Variants in EBF3 observed in about 807,000 individuals in gnomAD.
EBF3 encodes EBF transcription factor 3, also known as transcription factor COE3.
EBF3 carries 18 observed loss-of-function variants against 77.1 expected under a neutral mutation model. That is an observed-to-expected ratio of 0.23 (90% CI 0.16 to 0.35). The LOEUF is 0.35. Ranked by LOEUF, EBF3 falls within the 10% of genes least tolerant of loss-of-function variation. The probability of loss-of-function intolerance (pLI) is 1.00; values close to 1 mark genes in which losing one functional copy is unlikely to be tolerated. For missense variants in EBF3, 558 were observed against 860.0 expected, an observed-to-expected ratio of 0.65 and a Z score of 4.39; for synonymous variants, 350 against 343.5, an observed-to-expected ratio of 1.02 and a Z score of -0.21.
At chr10:129,840,697 A>T in intron 14 of EBF3, 147 bp downstream of exon 14, 2 of 1,226,932 alleles carry the variant, frequency 1.6e-6, no homozygotes, top group South Asian at 1.5e-5. Context: ...GGGTCAATTT[A>T]CGGTCGCCAT....
At chr10:129,883,228 G>C (rs569913581) in intron 6 of EBF3, among the ~76,000 whole-genome samples, 4 of 152,282 alleles carry the variant, frequency 2.6e-5, no homozygotes, top group Non-Finnish European at 5.9e-5. Context: ...CCCCTGAAAA[G>C]ACGCCTCATC....
rs551365580 is a variant in EBF3, at chr10:129,916,536, C to T, written c.555-38687G>A. On this transcript the variant is annotated intron_variant, in intron 6 of 16. Coordinates refer to ENST00000440978, the MANE Select transcript of EBF3 (RefSeq NM_001375380.1). ...CGAAATTAGGCACAGCCTAGAGAAG[C>T]GTTTGAGAGCAGTGGAGTTGAAGGC... 8.5e-5 allele frequency among the ~76,000 whole-genome samples: 13 copies of T among 152,292 alleles called. 1 individual carries two copies. The South Asian group carries it at 2.5e-3, about 29-fold the overall frequency.
chr10:129,956,835 C>G (rs181454717), intron 6 of EBF3, among the ~76,000 whole-genome samples: 3 of 152,214 alleles, frequency 2.0e-5, no homozygotes. Context: ...TTCATTCTAA[C>G]GCTGGGCAAC....
intron 6 of EBF3, among the ~76,000 whole-genome samples, chr10:129,889,587 G>T (rs1038657605): frequency 6.6e-6 from 1 of 152,192 alleles, no homozygotes; most frequent in Non-Finnish European, 1.5e-5. Flanking sequence ...TTCCCAGTGA[G>T]TTCCACACAC....
At chr10:129,865,234 C>A (rs1251223903) in intron 10 of EBF3, among the ~76,000 whole-genome samples, 8 of 152,198 alleles carry the variant, frequency 5.3e-5, no homozygotes. Flanking sequence ...CTCGCCTTTC[C>A]CAGGTACCTG....
At chr10:129,888,144 G>A (rs1002001486) in intron 6 of EBF3, among the ~76,000 whole-genome samples, 2 of 152,224 alleles carry the variant, frequency 1.3e-5, no homozygotes, top group Non-Finnish European at 2.9e-5. Flanking sequence ...GGAAGGAGTT[G>A]CAGCGAGCAT....
chr10:129,940,185 C>G (rs1857635476), intron 6 of EBF3, among the ~76,000 whole-genome samples: 1 of 152,226 alleles, frequency 6.6e-6, no homozygotes. Flanking sequence ...ATCCTGGGCT[C>G]TGTGCGTGCC....
At chr10:129,853,908 C>A (rs943106315) in intron 10 of EBF3, among the ~76,000 whole-genome samples, 6 of 152,128 alleles carry the variant, frequency 3.9e-5, no homozygotes, top group African/African-American at 1.4e-4. Flanking sequence ...TGAACTTGAC[C>A]AGGTGATAAA....
rs528378422 is a variant in EBF3, at chr10:129,853,845, T to C, written c.1040-5365A>G. On this transcript the variant is annotated intron_variant, in intron 10 of 16. Coordinates refer to ENST00000440978, the MANE Select transcript of EBF3 (RefSeq NM_001375380.1). The stretch of plus-strand genomic sequence containing the variant: ...TGAATCCAAGGGGGAAAAATGCCAA[T>C]AGCAATTATATCACCTTGAGGTTAT... 3.2e-3 allele frequency among the ~76,000 whole-genome samples: 494 copies of C among 152,340 alleles called. 3 individuals carry two copies. The highest frequency in any genetic ancestry group is 5.9e-3 in the Non-Finnish European group (401 of 68,034).
Position 129,849,258 on chromosome 10 carries a change from G to C in EBF3, c.1040-778C>G, listed in dbSNP as rs1047894468. 3.9e-5 allele frequency among the ~76,000 whole-genome samples: 6 copies of C among 152,204 alleles called. No homozygotes were observed. In the South Asian group the frequency reaches 6.2e-4, roughly 16 times the overall value. On this transcript the variant is annotated intron_variant, in intron 10 of 16. Transcript: ENST00000440978. ...GCTCTGCCTGACTCCAACAAAAACTGAGCCTGGAGGCCCGGGGACACGAGT... is the reference window on the plus strand; with the variant it reads ...GCTCTGCCTGACTCCAACAAAAACTCAGCCTGGAGGCCCGGGGACACGAGT...
intron 8 of EBF3, 119 bp from the exon 9 acceptor site, chr10:129,868,031 G>A: frequency 7.1e-7 from 1 of 1,416,284 alleles, no homozygotes. Context: ...GTTCCTCCAG[G>A]CGGCACGCAA....
At chr10:129,949,109 A>C (rs1335519987) in intron 6 of EBF3, among the ~76,000 whole-genome samples, 2 of 151,878 alleles carry the variant, frequency 1.3e-5, no homozygotes, top group Non-Finnish European at 2.9e-5. Flanking sequence ...GACCAGCCTG[A>C]CCAACATGGA....
In EBF3 at chr10:129,870,743, G is replaced by A. The variant is rs1367664382; in HGVS notation, c.781+2709C>T. Among the ~76,000 whole-genome samples the A allele has an allele frequency of 1.3e-5, 2 of 152,188 alleles. No homozygotes were observed. Among genetic ancestry groups the A allele is most frequent in the Non-Finnish European group, 1.5e-5 (1 of 68,046 alleles). On this transcript the variant is annotated intron_variant, in intron 8 of 16. Coordinates refer to ENST00000440978, the MANE Select transcript of EBF3 (RefSeq NM_001375380.1). The surrounding 1 kb of genome is among the most constrained non-coding windows in gnomAD (Gnocchi z 4.4). ...GGGATGAGCATGTCAAAACGGGAGC[G>A]TGACTCAACTTGGAAACCCGTGTTG...
chr10:129,941,164 A>C (rs1334762645), intron 6 of EBF3, among the ~76,000 whole-genome samples: 2 of 152,248 alleles, frequency 1.3e-5, no homozygotes, highest in South Asian at 4.1e-4. Flanking sequence ...AGATTGAGAT[A>C]AATAACCACT....
At chr10:129,916,060 G>A (rs1171459192) in intron 6 of EBF3, among the ~76,000 whole-genome samples, 3 of 152,250 alleles carry the variant, frequency 2.0e-5, no homozygotes, top group Non-Finnish European at 2.9e-5. Flanking sequence ...CAGGGGCTCC[G>A]AGGGGGAAGG....
chr10:129,894,094 G>A (rs1854205604), intron 6 of EBF3, among the ~76,000 whole-genome samples: 1 of 152,130 alleles, frequency 6.6e-6, no homozygotes, highest in Non-Finnish European at 1.5e-5. Context: ...TCCTGTTCCT[G>A]TTCTTATTTT....
chr10:129,869,391 C>T (rs951054189), intron 8 of EBF3, among the ~76,000 whole-genome samples: 1 of 151,818 alleles, frequency 6.6e-6, no homozygotes, highest in Non-Finnish European at 1.5e-5. Context: ...AAGCCACCCG[C>T]CCCCCACCAC....
intron 6 of EBF3, among the ~76,000 whole-genome samples, chr10:129,956,733 GT>G (rs2134607459): frequency 6.6e-6 from 1 of 152,228 alleles, no homozygotes; most frequent in South Asian, 2.1e-4. Context: ...AGTTTGGTTT[GT>G]TAGTTACATA....
At chr10:129,858,410 G>A (rs964067579) in intron 10 of EBF3, among the ~76,000 whole-genome samples, 1 of 152,216 alleles carries the variant, frequency 6.6e-6, no homozygotes, top group African/African-American at 2.4e-5. Flanking sequence ...GAGCCCTGGA[G>A]GAGCCGCCAC....
Sources: gnomAD v4.1 joint callset for allele counts (sites outside exome capture counted in the v4.1 genomes callset) on GRCh38, gnomAD v4.1.1 for gene constraint, Gnocchi (gnomAD v3.1) non-coding constraint, MANE v1.5 for transcripts, NCBI Gene and HGNC (gene_info 2026-07-23, HGNC 2026-07-21) for gene names.